Variants in NDUFV1 observed in about 807,000 individuals in gnomAD.
NDUFV1 encodes NADH:ubiquinone oxidoreductase core subunit V1, also known as NADH dehydrogenase [ubiquinone] flavoprotein 1, mitochondrial.
A neutral mutation model predicts 48.7 loss-of-function variants in NDUFV1; 41 were observed. The ratio of observed to expected loss-of-function variants is 0.84; its 90% CI spans 0.66 to 1.09. The LOEUF (loss-of-function observed/expected upper bound fraction) is 1.09, where lower values mean the gene tolerates loss of function less well. Ranked by LOEUF, NDUFV1 falls within the 50% of genes least tolerant of loss-of-function variation. The probability of loss-of-function intolerance (pLI) is 0.00; values close to 1 mark genes in which losing one functional copy is unlikely to be tolerated. For missense variants in NDUFV1, 580 were observed against 645.4 expected, an observed-to-expected ratio of 0.90 and a Z score of 1.10; for synonymous variants, 231 against 259.1, an observed-to-expected ratio of 0.89 and a Z score of 1.04.
At chr11:67,610,123 G>A in intron 4 of NDUFV1, 1 of 551,300 alleles carries the variant, frequency 1.8e-6, no homozygotes, top group East Asian at 3.2e-5. Context: ...GACTAGGGTA[G>A]TTAGGAGACC....
chr11:67,607,177 G>A (rs1417588134), intron 1 of NDUFV1, 101 bp downstream of exon 1: 1 of 1,316,712 alleles, frequency 7.6e-7, no homozygotes, highest in African/African-American at 1.5e-5. Context: ...CCTCTGGAGA[G>A]CCCTTCTCCC....
In NDUFV1 at chr11:67,611,752, G is replaced by C; in HGVS notation, c.1081-145G>C. On this transcript the variant is annotated intron_variant, in intron 7 of 9. Transcript: ENST00000322776. The surrounding 1 kb of genome is among the most constrained non-coding windows in gnomAD (Gnocchi z 4.2). ...AATACCCCGGAGTCTGGGCAGCACA[G>C]GGGGCCCAGGGAGGCTGGAGGAGGC... The C allele has an allele frequency of 2.2e-6, 3 of 1,368,502 alleles. No homozygotes were observed. The South Asian group carries it at 3.7e-5, about 17-fold the overall frequency. The allele number at this position is 1,368,502 out of a possible 1,614,324, so 84.8% of individuals were successfully genotyped here.
chr11:67,611,574 G>A lies in NDUFV1; in HGVS notation c.1080+5G>A, dbSNP rs58025491. ...GTGATCGTCATGGACCGCTCGGTAA[G>A]GGTTCACACACCAGCCCTGGTCCCT... On this transcript the variant is annotated splice_donor_5th_base_variant and intron_variant, in intron 7 of 9. Coordinates refer to ENST00000322776, the MANE Select transcript of NDUFV1 (RefSeq NM_007103.4). This position sits in a 1 kb window ranked among gnomAD's most constrained non-coding sequence, Gnocchi z 4.2. 4 of 1,600,026 alleles carry A rather than the reference G, an allele frequency of 2.5e-6. No individual in the cohort carries two copies. Among genetic ancestry groups the A allele is most frequent in the African/African-American group, 2.7e-5 (2 of 74,774 alleles).
Position 67,610,571 on chromosome 11 carries a change from G to T in NDUFV1, c.700+1G>T. ...AAGCCCCCCTTCCCCGCAGACGTGGGTAAGGCCTGGCGTAACCCTGGGTCA... is the reference window on the plus strand; with the variant it reads ...AAGCCCCCCTTCCCCGCAGACGTGGTTAAGGCCTGGCGTAACCCTGGGTCA... On this transcript the variant is annotated splice_donor_variant, in intron 5 of 9. Coordinates refer to ENST00000322776, the MANE Select transcript of NDUFV1 (RefSeq NM_007103.4). LOFTEE classifies it high-confidence loss of function. The T allele has an allele frequency of 6.2e-7, 1 of 1,613,886 alleles. No homozygotes were observed. The highest frequency in any genetic ancestry group is 8.5e-7 in the Non-Finnish European group (1 of 1,179,938).
chr11:67,608,241 C>A (rs878997479), intron 1 of NDUFV1, 155 bp from the exon 2 acceptor site: 1 of 705,840 alleles, frequency 1.4e-6, no homozygotes. Context: ...AAAAAAAATG[C>A]TTACTAAGTG....
chr11:67,607,686 C>T, intron 1 of NDUFV1: 1 of 354,534 alleles, frequency 2.8e-6, no homozygotes, highest in Non-Finnish European at 5.6e-6. Flanking sequence ...GGGAAAGGGC[C>T]AAGCTGCCAC....
Position 67,611,558 on chromosome 11 carries a change from A to C in NDUFV1, c.1069A>C (p.Met357Leu), listed in dbSNP as rs758185609. Residue 357 changes from methionine to leucine, a missense_variant, in exon 7 of 10, where the codon ATG becomes CTG. Met to Leu is a conservative substitution (Grantham distance 15, BLOSUM62 2). Transcript: ENST00000322776. This position sits in a 1 kb window ranked among gnomAD's most constrained non-coding sequence, Gnocchi z 4.2. The part of the protein sequence containing the change: ...TGLGTAAVIV[M>L]DRSTDIVKAI... ...CCTGGGCACAGCTGCGGTGATCGTC[A>C]TGGACCGCTCGGTAAGGGTTCACAC... 24 of 1,606,660 alleles carry C rather than the reference A, an allele frequency of 1.5e-5. No homozygotes were observed. Among genetic ancestry groups the C allele is most frequent in the Non-Finnish European group, 1.2e-5 (14 of 1,176,680 alleles).
intron 1 of NDUFV1, 173 bp downstream of exon 1, chr11:67,607,249 G>A (rs1184896153): frequency 2.6e-6 from 2 of 772,504 alleles, no homozygotes; most frequent in Non-Finnish European, 4.4e-6. Flanking sequence ...GTCCCAACGC[G>A]GGGCCGACTC....
intron 4 of NDUFV1, 74 bp downstream of exon 4, chr11:67,609,709 G>C: frequency 6.6e-7 from 1 of 1,525,680 alleles, no homozygotes; most frequent in Non-Finnish European, 9.0e-7. Flanking sequence ...CAGCACAGTT[G>C]TTCTGAGGTG....
chr11:67,609,372 C>A, intron 3 of NDUFV1, 80 bp from the exon 4 acceptor site: 1 of 1,479,710 alleles, frequency 6.8e-7, no homozygotes, highest in Non-Finnish European at 9.4e-7. Context: ...TGAGGCCTCC[C>A]TGGGTGGAGT....
chr11:67,611,797 G>A lies in NDUFV1; in HGVS notation c.1081-100G>A. 6.6e-7 allele frequency: 1 copy of A among 1,514,244 alleles called. No individual in the cohort carries two copies. Among genetic ancestry groups the A allele is most frequent in the Admixed American group, 1.7e-5 (1 of 58,034 alleles). The allele number at this position is 1,514,244 out of a possible 1,614,324, so 93.8% of individuals were successfully genotyped here. ...GGAGGCCAGAACGCTGGGTGGGCTGGGAAGAGCTTCTGGAACTGGGGGAGG... is the reference window on the plus strand; with the variant it reads ...GGAGGCCAGAACGCTGGGTGGGCTGAGAAGAGCTTCTGGAACTGGGGGAGG... On this transcript the variant is annotated intron_variant, in intron 7 of 9. Coordinates refer to ENST00000322776, the MANE Select transcript of NDUFV1 (RefSeq NM_007103.4). This position sits in a 1 kb window ranked among gnomAD's most constrained non-coding sequence, Gnocchi z 4.2.
At chr11:67,610,727 G>A (rs972604312) in intron 5 of NDUFV1, 157 bp downstream of exon 5, 6 of 1,052,950 alleles carry the variant, frequency 5.7e-6, no homozygotes, top group African/African-American at 1.6e-5. Context: ...CCCCAGGGCC[G>A]CCTGCTGTCC....
chr11:67,610,813 G>A (rs893938308), intron 5 of NDUFV1, 182 bp from the exon 6 acceptor site: 16 of 773,202 alleles, frequency 2.1e-5, no homozygotes, highest in Non-Finnish European at 3.4e-5. Flanking sequence ...CTGAGGCTAA[G>A]GGCATGGGGT....
At chr11:67,609,783 A>C in intron 4 of NDUFV1, 148 bp downstream of exon 4, 2 of 900,518 alleles carry the variant, frequency 2.2e-6, no homozygotes, top group Non-Finnish European at 3.4e-6. Context: ...TGCATCCCAA[A>C]TGGGACTTGG....
chr11:67,608,210 A>G, intron 1 of NDUFV1, 186 bp from the exon 2 acceptor site: 1 of 620,522 alleles, frequency 1.6e-6, no homozygotes, highest in South Asian at 1.8e-5. Context: ...TAGGCAAAAG[A>G]GCAAGAGTCT....
At position 67,611,423 on chromosome 11, in the gene NDUFV1, G is replaced by C. The variant is rs775492957; in HGVS notation, c.934G>C (p.Asp312His). Residue 312 changes from aspartate to histidine, a missense_variant, in exon 7 of 10, where the codon GAC becomes CAC. Physicochemically the swap from Asp to His is moderately conservative, Grantham distance 81. Coordinates refer to ENST00000322776, the MANE Select transcript of NDUFV1 (RefSeq NM_007103.4). The surrounding 1 kb of genome is among the most constrained non-coding windows in gnomAD (Gnocchi z 4.2). ...KHAGGVTGGW[D>H]NLLAVIPGGS... The stretch of plus-strand genomic sequence containing the variant: ...CCCAGGGGGTGTCACGGGCGGCTGG[G>C]ACAACCTCCTTGCTGTGATCCCTGG... 2 of 1,614,026 alleles carry C rather than the reference G, an allele frequency of 1.2e-6. No individual in the cohort carries two copies. Among genetic ancestry groups the C allele is most frequent in the Non-Finnish European group, 1.7e-6 (2 of 1,180,002 alleles).
chr11:67,608,787 C>T (rs1279649300), intron 3 of NDUFV1, 65 bp downstream of exon 3: 2 of 1,602,554 alleles, frequency 1.2e-6, no homozygotes, highest in African/African-American at 1.3e-5. Context: ...TGGGGTTTCC[C>T]TGGGCCTTTG....
In NDUFV1 at chr11:67,611,806, T is replaced by G. The variant is rs1854921209; in HGVS notation, c.1081-91T>G. ...AACGCTGGGTGGGCTGGGAAGAGCT[T>G]CTGGAACTGGGGGAGGGGCTGCTGC... is the stretch of plus-strand genomic sequence containing the variant. On this transcript the variant is annotated intron_variant, in intron 7 of 9. Coordinates refer to ENST00000322776, the MANE Select transcript of NDUFV1 (RefSeq NM_007103.4). The surrounding 1 kb of genome is among the most constrained non-coding windows in gnomAD (Gnocchi z 4.2). The G allele has an allele frequency of 4.6e-6, 7 of 1,536,642 alleles. No homozygotes were observed. The highest frequency in any genetic ancestry group is 1.7e-5 in the Admixed American group (1 of 58,842).
chr11:67,611,228 G>A lies in NDUFV1; in HGVS notation c.913+21G>A. The A allele has an allele frequency of 6.2e-7, 1 of 1,613,072 alleles. No homozygotes were observed. Among genetic ancestry groups the A allele is most frequent in the South Asian group, 1.1e-5 (1 of 91,064 alleles). ...TGCTGGTAAGGCCTGGGGCCAGCCA[G>A]GTGGTGGGGGGGTGCGCAGTGGGGG... On this transcript the variant is annotated intron_variant, in intron 6 of 9. Coordinates refer to ENST00000322776, the MANE Select transcript of NDUFV1 (RefSeq NM_007103.4). The surrounding 1 kb of genome is among the most constrained non-coding windows in gnomAD (Gnocchi z 4.2).
Sources: gnomAD v4.1 joint callset for allele counts on GRCh38, gnomAD v4.1.1 for gene constraint, Gnocchi (gnomAD v3.1) non-coding constraint, MANE v1.5 for transcripts, NCBI Gene and HGNC (gene_info 2026-07-23, HGNC 2026-07-21) for gene names.